Variants in TRPM3 observed in about 807,000 individuals in gnomAD.
TRPM3 encodes the protein transient receptor potential cation channel subfamily M member 3, also known as long transient receptor potential channel 3.
In TRPM3, 77 loss-of-function variants were observed where a neutral mutation model predicts 181.2. The observed-to-expected ratio is 0.42, with a 90% CI of 0.35 to 0.51. TRPM3 has a LOEUF of 0.51. TRPM3 is among the 20% of genes least tolerant of loss of function. TRPM3 has a pLI of 0.01. For synonymous variants in TRPM3, 745 were observed against 796.4 expected, an observed-to-expected ratio of 0.94 and a Z score of 1.09; for missense variants, 1,759 against 2,196.7, an observed-to-expected ratio of 0.80 and a Z score of 3.98.
At chr9:70,584,217 A>G (rs2056635525) in intron 22 of TRPM3, among the ~76,000 whole-genome samples, 1 of 151,814 alleles carries the variant, frequency 6.6e-6, no homozygotes. Flanking sequence ...TTATGAGTCC[A>G]CTTCCCCATT....
At chr9:71,230,778 C>T (rs540701183) in intron 1 of TRPM3, among the ~76,000 whole-genome samples, 1 of 152,122 alleles carries the variant, frequency 6.6e-6, no homozygotes, top group Non-Finnish European at 1.5e-5. Context: ...AAATTGGCCA[C>T]GAACTGAAGA....
chr9:70,624,926 A>G (rs953573339), intron 14 of TRPM3, among the ~76,000 whole-genome samples: 2 of 152,228 alleles, frequency 1.3e-5, no homozygotes, highest in East Asian at 3.8e-4. Flanking sequence ...ATAAACACCA[A>G]TAGGTAGAAT....
rs34952516 is a variant in TRPM3 at position 70,898,747 on chromosome 9, C to CA, written c.178-34237dup. On this transcript the variant is annotated intron_variant, in intron 1 of 25. Coordinates refer to ENST00000677713, the MANE Select transcript of TRPM3 (RefSeq NM_001366145.2). ...TGGGCAAAAGAGTGAGACTTCATCT[C>CA]AAAAAAAAAAAAAAAAAAAGAAAAG... is the stretch of plus-strand genomic sequence containing the variant. 9.8e-3 allele frequency among the ~76,000 whole-genome samples: 909 copies of CA among 93,158 alleles called. 10 individuals are homozygous for CA. The highest frequency in any genetic ancestry group is 0.021 in the African/African-American group (508 of 23,764). The allele number at this position is 93,158 out of a possible 152,430, so 61.1% of individuals were successfully genotyped here.
intron 1 of TRPM3, among the ~76,000 whole-genome samples, chr9:71,231,040 T>C (rs1053654074): frequency 6.6e-6 from 1 of 152,192 alleles, no homozygotes; most frequent in African/African-American, 2.4e-5. Flanking sequence ...GTAATGTTCT[T>C]CCATGGAATA....
intron 6 of TRPM3, among the ~76,000 whole-genome samples, chr9:70,823,142 G>GCACA (rs1399015653): frequency 6.6e-6 from 1 of 151,476 alleles, no homozygotes; most frequent in Non-Finnish European, 1.5e-5. Context: ...CCGACCCCAC[G>GCACA]CACACACACA....
intron 9 of TRPM3, among the ~76,000 whole-genome samples, chr9:70,675,193 C>T (rs1035356504): frequency 1.3e-5 from 2 of 152,058 alleles, no homozygotes; most frequent in Non-Finnish European, 2.9e-5. Context: ...CTCCACCTCC[C>T]AGGTTCAAGT....
chr9:71,018,264 T>C (rs2097802560), intron 1 of TRPM3, among the ~76,000 whole-genome samples: 1 of 151,004 alleles, frequency 6.6e-6, no homozygotes, highest in Non-Finnish European at 1.5e-5. Flanking sequence ...AAGGTCTATC[T>C]CAAGAAGCTA....
intron 22 of TRPM3, 81 bp from the exon 23 acceptor site, chr9:70,553,391 G>A: frequency 1.3e-5 from 20 of 1,506,528 alleles, no homozygotes; most frequent in Non-Finnish European, 1.7e-5. Flanking sequence ...TTTGTAGGAG[G>A]GTTTTAGATG....
At chr9:70,610,004 C>G (rs1472586671) in intron 19 of TRPM3, among the ~76,000 whole-genome samples, 1 of 152,126 alleles carries the variant, frequency 6.6e-6, no homozygotes, top group East Asian at 1.9e-4. Flanking sequence ...ACAATCCACT[C>G]TTTTGTAGGC....
intron 1 of TRPM3, among the ~76,000 whole-genome samples, chr9:71,132,932 A>G (rs1020816382): frequency 6.6e-6 from 1 of 152,178 alleles, no homozygotes; most frequent in African/African-American, 2.4e-5. Context: ...GTTATAAATA[A>G]TGCTATTATG....
chr9:71,222,569 A>C (rs1045728339), intron 1 of TRPM3, among the ~76,000 whole-genome samples: 4 of 152,230 alleles, frequency 2.6e-5, no homozygotes, highest in African/African-American at 9.6e-5. Flanking sequence ...TTTAACATCT[A>C]CACAAAAAAG....
intron 6 of TRPM3, among the ~76,000 whole-genome samples, chr9:70,813,713 G>C (rs990593184): frequency 6.6e-6 from 1 of 152,198 alleles, no homozygotes; most frequent in South Asian, 2.1e-4. Context: ...TGCATACAGA[G>C]AGGCTGTAGA....
chr9:71,354,745 T>C (rs1449587002), intron 1 of TRPM3, among the ~76,000 whole-genome samples: 1 of 152,214 alleles, frequency 6.6e-6, no homozygotes, highest in Non-Finnish European at 1.5e-5. Context: ...CTGTCACAAT[T>C]ACTACCAGGA....
chr9:70,849,535 T>C (rs1324271556), intron 3 of TRPM3, among the ~76,000 whole-genome samples: 1 of 152,172 alleles, frequency 6.6e-6, no homozygotes, highest in Non-Finnish European at 1.5e-5. Flanking sequence ...TAAACTAAGA[T>C]ATTAGTTAAT....
intron 2 of TRPM3, 36 bp downstream of exon 2, chr9:70,864,396 A>G (rs2095594482): frequency 4.3e-6 from 6 of 1,390,306 alleles, no homozygotes; most frequent in Admixed American, 5.6e-5. Context: ...TATAATTACT[A>G]CTTCATGTTC....
chr9:70,585,286 C>A (rs532855318), intron 22 of TRPM3, among the ~76,000 whole-genome samples: 31 of 152,266 alleles, frequency 2.0e-4, no homozygotes, highest in African/African-American at 7.2e-4. Flanking sequence ...TTTTCTCTTG[C>A]ATTTGACACC....
chr9:70,895,438 C>A (rs972861373), intron 1 of TRPM3, among the ~76,000 whole-genome samples: 3 of 152,098 alleles, frequency 2.0e-5, no homozygotes, highest in African/African-American at 7.2e-5. Flanking sequence ...GGATTGAATC[C>A]CTAATTTTTC....
chr9:71,338,093 A>ACAACAACAACAACAG (rs71352371), intron 1 of TRPM3, among the ~76,000 whole-genome samples: 3 of 103,570 alleles, frequency 2.9e-5, no homozygotes, highest in South Asian at 3.7e-4. Context: ...ACAACAACAG[A>ACAACAACAACAACAG]AAAAAAAAAA....
intron 1 of TRPM3, among the ~76,000 whole-genome samples, chr9:71,417,232 T>G (rs12350232): frequency 0.45 from 68,273 of 151,674 alleles, 15,612 homozygotes; most frequent in South Asian, 0.52. Context: ...CATTCTGAAA[T>G]GTTTGTACCT....
Sources: gnomAD v4.1 joint callset for allele counts (sites outside exome capture counted in the v4.1 genomes callset) on GRCh38, gnomAD v4.1.1 for gene constraint, MANE v1.5 for transcripts, NCBI Gene and HGNC (gene_info 2026-07-23, HGNC 2026-07-21) for gene names.